The following BICC1 variants were observed in gnomAD, a reference collection of about 807,000 sequenced individuals.
The protein encoded by BICC1 is BicC family RNA binding protein 1, also known as protein bicaudal C homolog 1.
Under a neutral mutation model 111.0 loss-of-function variants are expected in BICC1, and 43 were observed. The observed-to-expected ratio is 0.39, with a 90% confidence interval of 0.30 to 0.50. The LOEUF is 0.50. Ranked by LOEUF, BICC1 falls within the 20% of genes least tolerant of loss-of-function variation. The probability of loss-of-function intolerance (pLI) is 0.88; values close to 1 mark genes in which losing one functional copy is unlikely to be tolerated. For synonymous variants in BICC1, 467 were observed against 434.4 expected, an observed-to-expected ratio of 1.07 and a Z score of -0.93; for missense variants, 1,091 against 1,203.2, an observed-to-expected ratio of 0.91 and a Z score of 1.38.
At chr10:58,619,219 C>G (rs1465814439) in intron 1 of BICC1, among the ~76,000 whole-genome samples, 1 of 152,182 alleles carries the variant, frequency 6.6e-6, no homozygotes, top group African/African-American at 2.4e-5. Context: ...CATTATTCAG[C>G]CCTACCACAT....
At chr10:58,794,376 A>C (rs1178165057) in intron 9 of BICC1, among the ~76,000 whole-genome samples, 2 of 151,958 alleles carry the variant, frequency 1.3e-5, no homozygotes, top group Non-Finnish European at 2.9e-5. Context: ...AGTGTTGTAA[A>C]ATTTCAGTAA....
At chr10:58,700,243 G>A (rs1209130851) in intron 2 of BICC1, among the ~76,000 whole-genome samples, 1 of 152,128 alleles carries the variant, frequency 6.6e-6, no homozygotes, top group East Asian at 1.9e-4. Flanking sequence ...AGGATGGGGA[G>A]TTGGACAAGA....
At position 58,820,390 on chromosome 10, in the gene BICC1, A is replaced by G; in HGVS notation, c.2716A>G (p.Thr906Ala). 6.2e-7 allele frequency: 1 copy of G among 1,611,414 alleles called. No individual in the cohort carries two copies. Among genetic ancestry groups the G allele is most frequent in the Non-Finnish European group, 8.5e-7 (1 of 1,178,086 alleles). The change falls in exon 20 of 21, where the codon ACT (threonine) becomes GCT (alanine). Residue 906 changes from threonine to alanine, a missense_variant. Physicochemically the swap from Thr to Ala is moderately conservative, Grantham distance 58. Coordinates refer to ENST00000373886, the MANE Select transcript of BICC1 (RefSeq NM_001080512.3). ...ACAGATCGATCTTCAGACATTCCTC[A>G]CTCTCACAGATCAGGATCTGAAGGA... ...QQEIDLQTFL[T>A]LTDQDLKELG...
intron 3 of BICC1, among the ~76,000 whole-genome samples, chr10:58,758,864 T>C (rs1842221505): frequency 6.6e-6 from 1 of 151,302 alleles, no homozygotes; most frequent in African/African-American, 2.4e-5. Flanking sequence ...TAATAAGATT[T>C]TTTTTAAGCT....
At chr10:58,715,828 CAG>C (rs1206193432) in intron 3 of BICC1, 3 of 1,286,718 alleles carry the variant, frequency 2.3e-6, no homozygotes, top group East Asian at 4.9e-5. Flanking sequence ...AAAAAAAAGA[CAG>C]AGAAAGAAAA....
chr10:58,609,238 T>C (rs1845332685), intron 1 of BICC1, among the ~76,000 whole-genome samples: 1 of 152,226 alleles, frequency 6.6e-6, no homozygotes, highest in African/African-American at 2.4e-5. Context: ...TAACCTTCCC[T>C]CCATCCCTAA....
intron 1 of BICC1, among the ~76,000 whole-genome samples, chr10:58,531,847 A>T (rs1310654059): frequency 6.6e-6 from 1 of 151,790 alleles, no homozygotes; most frequent in Non-Finnish European, 1.5e-5. Context: ...GAATCAGCAA[A>T]CTCAAAGACA....
chr10:58,588,880 T>C (rs1360171923), intron 1 of BICC1, among the ~76,000 whole-genome samples: 3 of 152,132 alleles, frequency 2.0e-5, no homozygotes, highest in African/African-American at 7.2e-5. Context: ...CACCATCCTG[T>C]GTCAGGATGG....
At chr10:58,551,484 G>T (rs1843293802) in intron 1 of BICC1, among the ~76,000 whole-genome samples, 1 of 152,030 alleles carries the variant, frequency 6.6e-6, no homozygotes, top group Non-Finnish European at 1.5e-5. Flanking sequence ...CTTAATTTTT[G>T]TGTGTGTGGT....
intron 1 of BICC1, among the ~76,000 whole-genome samples, chr10:58,558,290 GT>G (rs1843510168): frequency 6.6e-6 from 1 of 152,046 alleles, no homozygotes; most frequent in African/African-American, 2.4e-5. Flanking sequence ...AGAATTCTTT[GT>G]CCTTGCAGCT....
chr10:58,685,111 C>G lies in BICC1; in HGVS notation c.238-16963C>G, dbSNP rs987718999. 4.6e-4 allele frequency among the ~76,000 whole-genome samples: 70 copies of G among 152,230 alleles called. 1 individual carries two copies. Among genetic ancestry groups the G allele is most frequent in the African/African-American group, 1.7e-3 (69 of 41,522 alleles). The stretch of plus-strand genomic sequence containing the variant: ...TTTCAAAGAACATCTTTATTTCTGC[C>G]TTCATTTTGTTATGTACCCAGTTTT... On this transcript the variant is annotated intron_variant, in intron 2 of 20. Coordinates refer to ENST00000373886, the MANE Select transcript of BICC1 (RefSeq NM_001080512.3).
intron 1 of BICC1, among the ~76,000 whole-genome samples, chr10:58,607,808 A>G (rs897993767): frequency 6.6e-6 from 1 of 152,206 alleles, no homozygotes; most frequent in Non-Finnish European, 1.5e-5. Context: ...TAACTGCTAC[A>G]TGGCTGTCTT....
At chr10:58,535,138 A>G (rs1227226198) in intron 1 of BICC1, among the ~76,000 whole-genome samples, 2 of 151,802 alleles carry the variant, frequency 1.3e-5, no homozygotes, top group African/African-American at 4.8e-5. Context: ...GGAGAGGAAA[A>G]AACAAAAAAT....
chr10:58,680,741 G>A (rs1839492921), intron 2 of BICC1, among the ~76,000 whole-genome samples: 1 of 152,166 alleles, frequency 6.6e-6, no homozygotes, highest in Non-Finnish European at 1.5e-5. Context: ...AAAGAACAAA[G>A]CTGGAGCGTC....
At chr10:58,731,600 G>T (rs757829193) in intron 3 of BICC1, among the ~76,000 whole-genome samples, 1 of 152,206 alleles carries the variant, frequency 6.6e-6, no homozygotes, top group East Asian at 1.9e-4. Flanking sequence ...GACAGGCTGT[G>T]TAGGAAGCTT....
intron 1 of BICC1, among the ~76,000 whole-genome samples, chr10:58,586,576 C>G (rs573865496): frequency 2.7e-5 from 4 of 149,880 alleles, no homozygotes; most frequent in East Asian, 2.0e-4. Context: ...GATTGTGCCA[C>G]TACCCTCCAG....
chr10:58,703,455 C>T (rs770442699), intron 3 of BICC1, among the ~76,000 whole-genome samples: 7 of 152,144 alleles, frequency 4.6e-5, no homozygotes, highest in Non-Finnish European at 8.8e-5. Context: ...AGCCACCGCA[C>T]CCAGCCTTGT....
At chr10:58,744,132 A>C (rs1841756540) in intron 3 of BICC1, among the ~76,000 whole-genome samples, 1 of 152,186 alleles carries the variant, frequency 6.6e-6, no homozygotes, top group African/African-American at 2.4e-5. Flanking sequence ...GAGCTTTTAA[A>C]AAATTGAATG....
rs946693044 is a variant in BICC1 at position 58,786,056 on chromosome 10, T to C, written c.388-867T>C. Among the ~76,000 whole-genome samples, 8 of 152,322 alleles carry C rather than the reference T, an allele frequency of 5.3e-5. No homozygotes were observed. The East Asian group carries it at 1.5e-3, about 29-fold the overall frequency. ...AAAGAACTAAACTTAAAAATCAAAATATATTTAATGGGCATAAATTTAAAA... is the reference window on the plus strand; with the variant it reads ...AAAGAACTAAACTTAAAAATCAAAACATATTTAATGGGCATAAATTTAAAA... On this transcript the variant is annotated intron_variant, in intron 4 of 20. Transcript: ENST00000373886.
Sources: gnomAD v4.1 joint callset for allele counts (sites outside exome capture counted in the v4.1 genomes callset) on GRCh38, gnomAD v4.1.1 for gene constraint, MANE v1.5 for transcripts, NCBI Gene and HGNC (gene_info 2026-07-23, HGNC 2026-07-21) for gene names.